The following MED13 variants were observed in gnomAD, a reference collection of about 807,000 sequenced individuals.
MED13 encodes the protein mediator of RNA polymerase II transcription subunit 13.
A neutral mutation model predicts 225.2 loss-of-function variants in MED13; 23 were observed. That is an observed-to-expected ratio of 0.10 (90% CI 0.07 to 0.14). The LOEUF is 0.14. Among genes scored for constraint, MED13 ranks in the 10% least tolerant of loss-of-function variants. The pLI is 1.00. For missense variants in MED13, 2,197 were observed against 2,594.5 expected, an observed-to-expected ratio of 0.85 and a Z score of 3.33; for synonymous variants, 942 against 889.2, an observed-to-expected ratio of 1.06 and a Z score of -1.06.
At chr17:62,053,771 AAAAC>A (rs1229244566) in intron 2 of MED13, among the ~76,000 whole-genome samples, 1 of 152,210 alleles carries the variant, frequency 6.6e-6, no homozygotes, top group African/African-American at 2.4e-5. Flanking sequence ...TACCCACAGA[AAAAC>A]AGACACAATA....
chr17:61,984,602 A>G (rs375231770), intron 14 of MED13, 49 bp downstream of exon 14: 53 of 1,473,026 alleles, frequency 3.6e-5, no homozygotes, highest in African/African-American at 1.6e-4. Context: ...AATTAATTCT[A>G]TAAGAAAATA....
rs2079937485 is a variant in MED13, at chr17:61,955,732, G to C, written c.5730C>G (p.Leu1910=). The stretch of plus-strand genomic sequence containing the variant: ...GCTCCATTGCCACCAAGCAAGCACT[G>C]AGAATGCTAGGGGAGTCTGCAGCAG... ...GISAADSPSI[L]SACLVAMEPQ... The change falls in exon 25 of 30, where the codon CTC becomes CTG. Residue 1910 remains leucine (L), a synonymous_variant. Transcript: ENST00000397786. The C allele has an allele frequency of 1.2e-6, 2 of 1,611,894 alleles. No homozygotes were observed. The highest frequency in any genetic ancestry group is 2.2e-5 in the East Asian group (1 of 44,842).
chr17:61,964,268 T>C (rs989386895), intron 20 of MED13, among the ~76,000 whole-genome samples: 1 of 152,242 alleles, frequency 6.6e-6, no homozygotes, highest in African/African-American at 2.4e-5. Flanking sequence ...ATTATAATTT[T>C]ATACATAAAA....
At chr17:61,962,529 T>C (rs2080010030) in intron 21 of MED13, among the ~76,000 whole-genome samples, 1 of 152,192 alleles carries the variant, frequency 6.6e-6, no homozygotes, top group African/African-American at 2.4e-5. Context: ...ACATTTAATG[T>C]ACTTAATGGA....
chr17:62,052,426 C>A, intron 3 of MED13, 111 bp downstream of exon 3: 1 of 731,632 alleles, frequency 1.4e-6, no homozygotes, highest in Non-Finnish European at 2.0e-6. Flanking sequence ...CTGTCACTGA[C>A]AACCTCTGGA....
chr17:61,995,126 C>T, intron 10 of MED13, 26 bp downstream of exon 10: 1 of 1,515,622 alleles, frequency 6.6e-7, no homozygotes, highest in East Asian at 2.3e-5. Context: ...AACAGTGACC[C>T]TTTGGTGTAC....
At chr17:61,978,954 C>T (rs1215839937) in intron 16 of MED13, among the ~76,000 whole-genome samples, 2 of 152,140 alleles carry the variant, frequency 1.3e-5, no homozygotes, top group African/African-American at 2.4e-5. Context: ...AATCTCACTG[C>T]CCAAGAACTA....
chr17:61,990,914 T>G (rs922483144), intron 11 of MED13, among the ~76,000 whole-genome samples: 7 of 152,122 alleles, frequency 4.6e-5, no homozygotes, highest in Non-Finnish European at 7.4e-5. Context: ...AACAGCTCTC[T>G]TAACTTGTGT....
At chr17:62,031,107 T>C (rs975566248) in intron 6 of MED13, 9 of 168,666 alleles carry the variant, frequency 5.3e-5, no homozygotes, top group African/African-American at 9.5e-5. Flanking sequence ...AGTGTATCAA[T>C]GCTGATTTTC....
At chr17:61,948,883 G>A (rs561651228) in intron 28 of MED13, among the ~76,000 whole-genome samples, 51 of 151,078 alleles carry the variant, frequency 3.4e-4, no homozygotes, top group Non-Finnish European at 5.2e-4. Flanking sequence ...TCAGGAGATC[G>A]AGACCATCCC....
intron 9 of MED13, chr17:62,004,222 G>T (rs1247069186): frequency 1.3e-5 from 2 of 152,180 alleles, no homozygotes; most frequent in African/African-American, 2.4e-5. Context: ...TTCTAAGGGG[G>T]TGTGTGTGTT....
intron 20 of MED13, among the ~76,000 whole-genome samples, chr17:61,963,475 T>C (rs1050777563): frequency 1.3e-5 from 2 of 152,112 alleles, no homozygotes; most frequent in African/African-American, 2.4e-5. Context: ...TGTGTATATA[T>C]ATATCTTTTT....
Position 61,944,854 on chromosome 17 carries a change from G to C in MED13, c.*1614C>G, listed in dbSNP as rs963964580. 4 of 152,594 alleles carry C rather than the reference G, an allele frequency of 2.6e-5. No homozygotes were observed. The highest frequency in any genetic ancestry group is 7.2e-5 in the African/African-American group (3 of 41,440). The allele number at this position is 152,594 out of a possible 1,614,324, so 9.5% of individuals were successfully genotyped here. On this transcript the variant is annotated 3_prime_UTR_variant, in exon 30 of 30. Transcript: ENST00000397786. ...AGCAATGCAGGTAGGAGGCGAACTT[G>C]GGCTCTTTTGTGAGCAGCACTGTAG...
At chr17:61,987,270 A>G in intron 11 of MED13, 142 bp from the exon 12 acceptor site, 1 of 396,958 alleles carries the variant, frequency 2.5e-6, no homozygotes, top group Non-Finnish European at 4.6e-6. Flanking sequence ...CCCCGTCTCT[A>G]CTAAAACTAC....
intron 8 of MED13, among the ~76,000 whole-genome samples, chr17:62,020,540 C>T (rs2143636263): frequency 6.6e-6 from 1 of 152,014 alleles, no homozygotes; most frequent in South Asian, 2.1e-4. Flanking sequence ...CCACGCCCGG[C>T]TAATTTTTTT....
chr17:61,980,542 G>C (rs768448936), intron 16 of MED13, among the ~76,000 whole-genome samples: 1 of 152,072 alleles, frequency 6.6e-6, no homozygotes, highest in Non-Finnish European at 1.5e-5. Context: ...AGCTATTATT[G>C]ATGCCTCATC....
At chr17:62,009,834 T>C (rs28479677) in intron 9 of MED13, among the ~76,000 whole-genome samples, 6,150 of 152,302 alleles carry the variant, frequency 0.04, 394 homozygotes, top group African/African-American at 0.14. Flanking sequence ...TTTAAGAGTT[T>C]AGGTATTTAC....
chr17:61,943,763 T>C lies in MED13; in HGVS notation c.*2705A>G, dbSNP rs1375705152. ...GTATGGCTAGATGTTTCTCACTGGC[T>C]GGAAGCAGACATTATATAACTAATC... is the stretch of plus-strand genomic sequence containing the variant. On this transcript the variant is annotated 3_prime_UTR_variant, in exon 30 of 30. Coordinates refer to ENST00000397786, the MANE Select transcript of MED13 (RefSeq NM_005121.3). 6.6e-6 allele frequency: 1 copy of C among 152,612 alleles called. No homozygotes were observed. The highest frequency in any genetic ancestry group is 1.5e-5 in the Non-Finnish European group (1 of 67,998). 9.5% of individuals were successfully genotyped at this position (152,612 alleles called of 1,614,324 possible).
chr17:62,063,353 A>G (rs758230863), intron 1 of MED13, 52 bp from the exon 2 acceptor site: 43 of 1,176,588 alleles, frequency 3.7e-5, no homozygotes, highest in Non-Finnish European at 5.0e-5. Flanking sequence ...CTCAAAGTCA[A>G]AAGTACTCAA....
Sources: allele counts gnomAD v4.1 joint callset (sites outside exome capture counted in the v4.1 genomes callset), GRCh38; gene constraint gnomAD v4.1.1; transcripts MANE v1.5; gene names NCBI Gene and HGNC (gene_info 2026-07-23, HGNC 2026-07-21).